The following RGL1 variants were observed in gnomAD, a reference collection of about 807,000 sequenced individuals.
The protein encoded by RGL1 is ral guanine nucleotide dissociation stimulator-like 1.
A neutral mutation model predicts 95.2 loss-of-function variants in RGL1; 24 were observed. The ratio of observed to expected loss-of-function variants is 0.25; its 90% confidence interval spans 0.18 to 0.35. The LOEUF is 0.35. RGL1 is among the 10% of genes least tolerant of loss of function. RGL1 has a pLI of 1.00. For missense variants in RGL1, 715 were observed against 936.3 expected (o/e 0.76, Z 3.08); for synonymous variants, 329 against 344.9 (o/e 0.95, Z 0.51).
chr1:183,688,631 T>C (rs1412326643), intron 1 of RGL1, among the ~76,000 whole-genome samples: 1 of 152,208 alleles, frequency 6.6e-6, no homozygotes, highest in Non-Finnish European at 1.5e-5. Flanking sequence ...ATACCATTAG[T>C]ATTTGTTAAA....
At chr1:183,866,699 A>G (rs1440545938) in intron 4 of RGL1, among the ~76,000 whole-genome samples, 2 of 152,134 alleles carry the variant, frequency 1.3e-5, no homozygotes, top group Non-Finnish European at 2.9e-5. Context: ...ATTCTGAGGA[A>G]GATAAGAAGC....
intron 4 of RGL1, among the ~76,000 whole-genome samples, chr1:183,874,732 GATA>G (rs1250659204): frequency 1.3e-5 from 2 of 152,158 alleles, no homozygotes; most frequent in African/African-American, 4.8e-5. Flanking sequence ...GACAAGTCCA[GATA>G]ATAATATTTT....
intron 3 of RGL1, among the ~76,000 whole-genome samples, chr1:183,849,487 T>TG (rs1664681736): frequency 1.7e-5 from 2 of 118,444 alleles, no homozygotes; most frequent in African/African-American, 4.2e-5. Flanking sequence ...TTTTTAGTTT[T>TG]TTTTTTTTTT....
chr1:183,842,332 CTTTT>C (rs5779189), intron 2 of RGL1, among the ~76,000 whole-genome samples: 9 of 146,492 alleles, frequency 6.1e-5, no homozygotes, highest in African/African-American at 2.3e-4. Flanking sequence ...ATTGAAGGGA[CTTTT>C]TTTTTTTTTC....
At chr1:183,923,564 AC>A (rs1485604273) in intron 17 of RGL1, among the ~76,000 whole-genome samples, 1 of 152,152 alleles carries the variant, frequency 6.6e-6, no homozygotes, top group Non-Finnish European at 1.5e-5. Flanking sequence ...GGTAGCCAGG[AC>A]CCAGTGTTGC....
intron 1 of RGL1, among the ~76,000 whole-genome samples, chr1:183,674,275 A>G (rs1267924119): frequency 6.6e-6 from 1 of 152,210 alleles, no homozygotes; most frequent in South Asian, 2.1e-4. Context: ...AATACTTTCT[A>G]TTATATATTG....
In RGL1 at chr1:183,693,262, TTAA is replaced by T. The variant is rs529548002; in HGVS notation, c.-32-48861_-32-48859del. Among the ~76,000 whole-genome samples the T allele has an allele frequency of 4.9e-3, 749 of 152,154 alleles. 6 individuals are homozygous for T. Among genetic ancestry groups the T allele is most frequent in the Non-Finnish European group, 6.8e-3 (462 of 67,988 alleles). On this transcript the variant is annotated intron_variant, in intron 1 of 18. Coordinates refer to the RGL1 transcript ENST00000304685. ...AGCCACCGTGCCCAGCCAGAAATGTTTAATATATCAAATATACACAACAGAACA... is the reference window on the plus strand; with the variant it reads ...AGCCACCGTGCCCAGCCAGAAATGTTTATATCAAATATACACAACAGAACA...
chr1:183,927,654 G>C lies in RGL1; in HGVS notation c.*1362G>C, dbSNP rs1669687337. 1 of 152,570 alleles carries C rather than the reference G, an allele frequency of 6.6e-6. No individual in the cohort carries two copies. Among genetic ancestry groups the C allele is most frequent in the Non-Finnish European group, 1.5e-5 (1 of 68,046 alleles). 9.5% of individuals were successfully genotyped at this position (152,570 alleles called of 1,614,324 possible). A position where few individuals can be genotyped will look rare whatever the true frequency, so the allele number is the denominator to read the frequency against. On this transcript the variant is annotated 3_prime_UTR_variant, in exon 18 of 18. Transcript: ENST00000360851. ...ACTCTTCCTTCCAAGTCTGAGCTGT[G>C]CTGGGGTTTGAACTAAAAGCCATAT...
At chr1:183,666,297 G>A (rs1176318824) in intron 1 of RGL1, among the ~76,000 whole-genome samples, 3 of 151,956 alleles carry the variant, frequency 2.0e-5, no homozygotes, top group African/African-American at 7.3e-5. Context: ...GAGCCACCGC[G>A]CCTGGGCCTA....
intron 1 of RGL1, among the ~76,000 whole-genome samples, chr1:183,683,246 T>C (rs1238002143): frequency 6.6e-6 from 1 of 152,228 alleles, no homozygotes; most frequent in African/African-American, 2.4e-5. Context: ...CATTAGTTGA[T>C]GCAGTTTCTT....
intron 1 of RGL1, among the ~76,000 whole-genome samples, chr1:183,681,980 G>A (rs894784208): frequency 4.6e-5 from 7 of 152,058 alleles, no homozygotes; most frequent in African/African-American, 1.7e-4. Context: ...ATTCTCTGAT[G>A]GTAGTTTGTA....
At chr1:183,716,273 A>G (rs927715312) in intron 1 of RGL1, among the ~76,000 whole-genome samples, 30 of 152,320 alleles carry the variant, frequency 2.0e-4, no homozygotes, top group African/African-American at 7.2e-4. Context: ...AAATATAAAC[A>G]CAGATAAAAA....
chr1:183,823,497 A>C (rs6676941), intron 2 of RGL1, among the ~76,000 whole-genome samples: 92,755 of 151,960 alleles, frequency 0.61, 29,600 homozygotes, highest in Middle Eastern at 0.78. Flanking sequence ...AAAATGATTT[A>C]TTCAACATGG....
chr1:183,914,926 T>C (rs1000730077), intron 15 of RGL1, among the ~76,000 whole-genome samples: 4 of 152,246 alleles, frequency 2.6e-5, no homozygotes, highest in Admixed American at 1.3e-4. Context: ...AAACTTATGC[T>C]ATTAACTTAT....
intron 13 of RGL1, among the ~76,000 whole-genome samples, chr1:183,905,525 G>T (rs1668268035): frequency 6.6e-6 from 1 of 152,234 alleles, no homozygotes; most frequent in South Asian, 2.1e-4. Flanking sequence ...ACAAGATTTT[G>T]CCATAAGAAC....
At chr1:183,689,087 A>G (rs12077933) in intron 1 of RGL1, among the ~76,000 whole-genome samples, 12,332 of 152,258 alleles carry the variant, frequency 0.081, 919 homozygotes, top group African/African-American at 0.2. Flanking sequence ...ATAAAAATAT[A>G]TAACCCAATA....
At chr1:183,665,763 G>A (rs1318267535) in intron 1 of RGL1, among the ~76,000 whole-genome samples, 1 of 152,022 alleles carries the variant, frequency 6.6e-6, no homozygotes, top group African/African-American at 2.4e-5. Flanking sequence ...AGTAATTCGT[G>A]TCCTTCTGTT....
At chr1:183,838,978 G>C (rs1193056212) in intron 2 of RGL1, among the ~76,000 whole-genome samples, 2 of 152,168 alleles carry the variant, frequency 1.3e-5, no homozygotes, top group Non-Finnish European at 2.9e-5. Context: ...TGATATGTTT[G>C]TATAATTAGA....
chr1:183,691,712 G>A (rs993149605), intron 1 of RGL1, among the ~76,000 whole-genome samples: 4 of 152,190 alleles, frequency 2.6e-5, no homozygotes, highest in Non-Finnish European at 4.4e-5. Flanking sequence ...ACATTAGTAA[G>A]CCATATTTTT....
Sources: allele counts gnomAD v4.1 joint callset (sites outside exome capture counted in the v4.1 genomes callset), GRCh38; gene constraint gnomAD v4.1.1; transcripts MANE v1.5; gene names NCBI Gene and HGNC (gene_info 2026-07-23, HGNC 2026-07-21).